Variants in SNX24 observed in about 807,000 individuals in gnomAD.
SNX24 encodes sorting nexin 24.
Under a neutral mutation model 28.7 loss-of-function variants are expected in SNX24, and 22 were observed. That is an observed-to-expected ratio of 0.77 (90% CI 0.55 to 1.10). SNX24 has a LOEUF of 1.10. Among genes scored for constraint, SNX24 ranks in the 50% least tolerant of loss-of-function variants. The probability of loss-of-function intolerance (pLI) is 0.00; values close to 1 mark genes in which losing one functional copy is unlikely to be tolerated. For synonymous variants in SNX24, 69 were observed against 71.5 expected (o/e 0.96, Z 0.18); for missense variants, 221 against 201.1 (o/e 1.10, Z -0.60).
chr5:122,896,718 T>C (rs529614997), intron 1 of SNX24, among the ~76,000 whole-genome samples: 5 of 152,344 alleles, frequency 3.3e-5, no homozygotes, highest in Non-Finnish European at 7.3e-5. Flanking sequence ...AAAAGTCTTA[T>C]AAGTCTTGCC....
chr5:122,929,626 C>G (rs1033920930), intron 1 of SNX24, among the ~76,000 whole-genome samples: 1 of 152,036 alleles, frequency 6.6e-6, no homozygotes, highest in Non-Finnish European at 1.5e-5. Flanking sequence ...GTTTATTTAT[C>G]TTGAAAAATT....
chr5:122,884,258 T>TTC (rs1425661095), intron 1 of SNX24, among the ~76,000 whole-genome samples: 1 of 143,994 alleles, frequency 6.9e-6, no homozygotes. Context: ...TTTCTTTTTT[T>TTC]TTTTTTTTTT....
intron 4 of SNX24, 77 bp from the exon 5 acceptor site, chr5:123,001,328 A>G (rs1762237214): frequency 1.0e-6 from 1 of 960,424 alleles, no homozygotes; most frequent in African/African-American, 1.6e-5. Flanking sequence ...AATATTGGGT[A>G]TTTTTTCCTT....
At chr5:123,021,384 A>G (rs1195082530) in intron 5 of SNX24, among the ~76,000 whole-genome samples, 1 of 152,154 alleles carries the variant, frequency 6.6e-6, no homozygotes, top group East Asian at 1.9e-4. Flanking sequence ...GGGTCAGCCC[A>G]CCCTAAGGAC....
In SNX24 at chr5:122,984,831, T is replaced by A. The variant is rs541545534; in HGVS notation, c.250-15081T>A. Among the ~76,000 whole-genome samples the A allele has an allele frequency of 7.9e-5, 12 of 152,346 alleles. No homozygotes were observed. The South Asian group carries it at 1.7e-3, about 21-fold the overall frequency. On this transcript the variant is annotated intron_variant, in intron 3 of 6. Coordinates refer to ENST00000261369, the MANE Select transcript of SNX24 (RefSeq NM_014035.4). ...CATGAGTTTTTAGCACTTATTAGGA[T>A]AATAGGATTTAAAAACTAAAGACAA... is the stretch of plus-strand genomic sequence containing the variant.
chr5:122,966,270 C>T (rs1223935583), intron 3 of SNX24, among the ~76,000 whole-genome samples: 1 of 152,012 alleles, frequency 6.6e-6, no homozygotes, highest in Non-Finnish European at 1.5e-5. Flanking sequence ...CAAACTTTTT[C>T]TTTTTTTTAT....
At chr5:122,933,711 A>G in intron 1 of SNX24, among the ~76,000 whole-genome samples, 1 of 152,172 alleles carries the variant, frequency 6.6e-6, no homozygotes, top group East Asian at 1.9e-4. Context: ...TTTTCACCTT[A>G]AAGTGTGTGG....
chr5:123,021,777 C>T (rs1250771606), intron 5 of SNX24, among the ~76,000 whole-genome samples: 4 of 152,140 alleles, frequency 2.6e-5, no homozygotes, highest in African/African-American at 7.2e-5. Context: ...TACCTCTGAC[C>T]GCGCCCCTAT....
At chr5:122,933,492 G>A (rs1298920735) in intron 1 of SNX24, among the ~76,000 whole-genome samples, 1 of 152,190 alleles carries the variant, frequency 6.6e-6, no homozygotes, top group Non-Finnish European at 1.5e-5. Context: ...CCCTTCCCTG[G>A]GCCTGCGTAG....
intron 6 of SNX24, among the ~76,000 whole-genome samples, chr5:123,002,640 G>A (rs1269944509): frequency 6.6e-6 from 1 of 152,142 alleles, no homozygotes; most frequent in Non-Finnish European, 1.5e-5. Context: ...TCAAAAAAAA[G>A]CCTCTTCCCC....
At chr5:122,882,494 G>GA (rs770111107) in intron 1 of SNX24, among the ~76,000 whole-genome samples, 75 of 152,238 alleles carry the variant, frequency 4.9e-4, no homozygotes, top group Non-Finnish European at 8.2e-4. Flanking sequence ...TCTGGATAGA[G>GA]AGCCCTCTAG....
intron 3 of SNX24, among the ~76,000 whole-genome samples, chr5:122,947,465 A>T (rs920932110): frequency 6.6e-6 from 1 of 152,198 alleles, no homozygotes; most frequent in Non-Finnish European, 1.5e-5. Context: ...GAAAGCTGAC[A>T]TGCAGAAGGC....
intron 1 of SNX24, among the ~76,000 whole-genome samples, chr5:122,846,972 C>G (rs939026539): frequency 8.7e-6 from 1 of 114,810 alleles, no homozygotes; most frequent in African/African-American, 3.5e-5. Flanking sequence ...TTTTTTTTTT[C>G]TTGGAGATTT....
chr5:122,884,289 TTGCCTAGGCTAGAG>T (rs1222438485), intron 1 of SNX24, among the ~76,000 whole-genome samples: 4 of 147,378 alleles, frequency 2.7e-5, no homozygotes, highest in Non-Finnish European at 5.9e-5. Flanking sequence ...AGTCTCGCTG[TTGCCTAGGCTAGAG>T]TGCAGTGGTG....
At chr5:122,917,095 C>A (rs575938410) in intron 1 of SNX24, among the ~76,000 whole-genome samples, 1 of 151,842 alleles carries the variant, frequency 6.6e-6, no homozygotes, top group East Asian at 1.9e-4. Flanking sequence ...GGTGAAACTC[C>A]GTCTCTACTA....
At chr5:122,997,961 T>C (rs916810446) in intron 3 of SNX24, among the ~76,000 whole-genome samples, 6 of 152,172 alleles carry the variant, frequency 3.9e-5, no homozygotes, top group African/African-American at 7.2e-5. Context: ...TTGAAACATG[T>C]GTCATAGCCA....
At chr5:123,028,641 T>A in intron 5 of SNX24, 1 of 650,186 alleles carries the variant, frequency 1.5e-6, no homozygotes, top group Non-Finnish European at 2.6e-6. Flanking sequence ...CAAAACTCCA[T>A]CCTTCTCAAA....
At chr5:122,975,996 T>C (rs71594320) in intron 3 of SNX24, among the ~76,000 whole-genome samples, 4,197 of 152,282 alleles carry the variant, frequency 0.028, 76 homozygotes, top group Non-Finnish European at 0.037. Context: ...GGCATTTTCA[T>C]TGCAATATAA....
chr5:122,942,314 GA>G lies in SNX24; in HGVS notation c.145-3739del, dbSNP rs3836760. 1.2e-3 allele frequency among the ~76,000 whole-genome samples: 181 copies of G among 152,244 alleles called. No homozygotes were observed. The East Asian group carries it at 0.028, about 24-fold the overall frequency. ...TTCATTTTCCTGTGTTTAATTCCAT[GA>G]AGTAGACAATAAGAACCAAAAACCT... On this transcript the variant is annotated intron_variant, in intron 2 of 6. Transcript: ENST00000261369.
Sources: allele counts gnomAD v4.1 joint callset (sites outside exome capture counted in the v4.1 genomes callset), GRCh38; gene constraint gnomAD v4.1.1; transcripts MANE v1.5; gene names NCBI Gene and HGNC (gene_info 2026-07-23, HGNC 2026-07-21).